HEMK2: variants seen among roughly 807,000 people sequenced by gnomAD.
The protein encoded by HEMK2 is HemK methyltransferase 2, ETF1 glutamine and histone H4 lysine.
chr21:28,813,094 C>T, the HEMK2 span, among the ~76,000 whole-genome samples: 1 of 152,142 alleles, frequency 6.6e-6, no homozygotes, highest in African/African-American at 2.4e-5. Flanking sequence ...ATTGGAAGTT[C>T]CAGCCAGGGC....
At chr21:28,759,693 C>T in the HEMK2 span, among the ~76,000 whole-genome samples, 35 of 152,222 alleles carry the variant, frequency 2.3e-4, no homozygotes, top group African/African-American at 7.7e-4. Flanking sequence ...GTTTCCCCCA[C>T]ACTGTTCTAA....
chr21:28,590,168 T>C, the HEMK2 span, among the ~76,000 whole-genome samples: 4 of 152,222 alleles, frequency 2.6e-5, no homozygotes, highest in African/African-American at 9.6e-5. Flanking sequence ...GGCATAAAGA[T>C]ATTGTTGAAA....
the HEMK2 span, among the ~76,000 whole-genome samples, chr21:28,697,594 C>A: frequency 2.0e-5 from 3 of 152,070 alleles, no homozygotes; most frequent in African/African-American, 7.2e-5. Flanking sequence ...TGACTTCTCA[C>A]TCTATTAGTT....
the HEMK2 span, among the ~76,000 whole-genome samples, chr21:28,791,481 G>A: frequency 5.9e-5 from 9 of 152,170 alleles, no homozygotes. Flanking sequence ...AAAAAAGGGT[G>A]AGAGAGTGGG....
the HEMK2 span, among the ~76,000 whole-genome samples, chr21:28,578,776 C>G: frequency 1.3e-5 from 2 of 152,240 alleles, no homozygotes; most frequent in African/African-American, 4.8e-5. Context: ...TGTGGCTAAG[C>G]CATTCAAGGC....
chr21:28,596,023 A>G, the HEMK2 span, among the ~76,000 whole-genome samples: 1 of 147,134 alleles, frequency 6.8e-6, no homozygotes, highest in African/African-American at 2.5e-5. Context: ...TGACCTCATG[A>G]TCTGCCCGCC....
chr21:28,669,706 T>G, the HEMK2 span, among the ~76,000 whole-genome samples: 2 of 152,160 alleles, frequency 1.3e-5, no homozygotes, highest in Non-Finnish European at 2.9e-5. Context: ...GAATCAGAGC[T>G]TTTTAGCCAA....
At chr21:28,669,032 GA>G in the HEMK2 span, among the ~76,000 whole-genome samples, 1 of 152,150 alleles carries the variant, frequency 6.6e-6, no homozygotes, top group African/African-American at 2.4e-5. Flanking sequence ...AAGAAGGGAA[GA>G]TGACACAACA....
At chr21:28,854,420 T>A in the HEMK2 span, among the ~76,000 whole-genome samples, 1 of 143,296 alleles carries the variant, frequency 7.0e-6, no homozygotes, top group African/African-American at 2.6e-5. Flanking sequence ...TTTGTTCCTC[T>A]AGAACCACTC....
At chr21:28,755,386 T>C in the HEMK2 span, among the ~76,000 whole-genome samples, 5 of 152,188 alleles carry the variant, frequency 3.3e-5, no homozygotes, top group Non-Finnish European at 5.9e-5. Context: ...CGCCACCTTA[T>C]AGCAATTCTT....
At chr21:28,813,582 A>T in the HEMK2 span, among the ~76,000 whole-genome samples, 9 of 152,316 alleles carry the variant, frequency 5.9e-5, no homozygotes, top group East Asian at 1.7e-3. Context: ...AAACTACTTA[A>T]CATTTCATAT....
At chr21:28,863,655 G>C in the HEMK2 span, among the ~76,000 whole-genome samples, 2 of 151,544 alleles carry the variant, frequency 1.3e-5, no homozygotes, top group African/African-American at 2.4e-5. Flanking sequence ...CGTATACACA[G>C]AGGGTGGCCA....
the HEMK2 span, among the ~76,000 whole-genome samples, chr21:28,625,490 G>C: frequency 0.019 from 2,846 of 152,172 alleles, 85 homozygotes; most frequent in African/African-American, 0.065. Context: ...GGAGGCCAAG[G>C]GGGTGGATCA....
chr21:28,877,631 TAGGA>T, the HEMK2 span, among the ~76,000 whole-genome samples: 5 of 138,684 alleles, frequency 3.6e-5, no homozygotes, highest in Non-Finnish European at 6.3e-5. Context: ...AAGAGAGAAA[TAGGA>T]AGGAAGGAAG....
chr21:28,680,309 G>A, the HEMK2 span, among the ~76,000 whole-genome samples: 1 of 152,228 alleles, frequency 6.6e-6, no homozygotes, highest in Non-Finnish European at 1.5e-5. Context: ...AGAAGAAATG[G>A]ATAAATTCCT....
the HEMK2 span, among the ~76,000 whole-genome samples, chr21:28,836,219 C>G: frequency 6.6e-6 from 1 of 152,114 alleles, no homozygotes; most frequent in East Asian, 1.9e-4. Flanking sequence ...AGGAAAGAAT[C>G]TTAAGAGCTG....
At chr21:28,609,528 C>T in the HEMK2 span, among the ~76,000 whole-genome samples, 1 of 131,836 alleles carries the variant, frequency 7.6e-6, no homozygotes, top group Non-Finnish European at 1.6e-5. Flanking sequence ...AGCTCACCAG[C>T]AATGGATTTA....
the HEMK2 span, among the ~76,000 whole-genome samples, chr21:28,750,688 A>G: frequency 7.3e-6 from 1 of 136,468 alleles, no homozygotes; most frequent in African/African-American, 3.0e-5. Context: ...GTGACAGAGC[A>G]AGGCTCCATC....
At chr21:28,792,063 C>T in the HEMK2 span, among the ~76,000 whole-genome samples, 3 of 152,166 alleles carry the variant, frequency 2.0e-5, no homozygotes, top group African/African-American at 4.8e-5. Context: ...CTAAAAGACA[C>T]TCCTACCAAT....
Sources: gnomAD v4.1 joint callset for allele counts (sites outside exome capture counted in the v4.1 genomes callset) on GRCh38, gnomAD v4.1.1 for gene constraint, MANE v1.5 for transcripts, NCBI Gene and HGNC (gene_info 2026-07-23, HGNC 2026-07-21) for gene names.